Variants in SMAD3 observed in about 807,000 individuals in gnomAD.
The protein encoded by SMAD3 is SMAD family member 3, also known as MAD homolog 3.
In SMAD3, 12 loss-of-function variants were observed where a neutral mutation model predicts 51.8. That is an observed-to-expected ratio of 0.23 (90% CI 0.15 to 0.38). The LOEUF is 0.38. SMAD3 is among the 10% of genes least tolerant of loss of function. SMAD3 has a pLI of 1.00. For synonymous variants in SMAD3, 238 were observed against 227.7 expected (o/e 1.05, Z -0.41); for missense variants, 294 against 565.6 (o/e 0.52, Z 4.87).
intron 1 of SMAD3, among the ~76,000 whole-genome samples, chr15:67,069,760 G>A (rs1317909452): frequency 8.6e-5 from 13 of 151,956 alleles, no homozygotes; most frequent in Admixed American, 6.6e-4. Flanking sequence ...AGGCTGGAGC[G>A]CAGTGGCATG....
At chr15:67,137,195 G>A (rs1334002111) in intron 1 of SMAD3, among the ~76,000 whole-genome samples, 1 of 152,106 alleles carries the variant, frequency 6.6e-6, no homozygotes, top group African/African-American at 2.4e-5. Context: ...GGACAAGGGT[G>A]TTTTTTTGTT....
Position 67,101,396 on chromosome 15 carries a change from G to A in SMAD3, c.206+35036G>A, listed in dbSNP as rs1479125672. ...ATTTACGTATGGGAGTCAATGAGCT[G>A]TTTAAATACTTGGATGTCAGAAAAA... On this transcript the variant is annotated intron_variant, in intron 1 of 8. Transcript: ENST00000327367. Among the ~76,000 whole-genome samples the A allele has an allele frequency of 5.3e-5, 8 of 152,316 alleles. No individual in the cohort carries two copies. In the East Asian group the frequency reaches 1.4e-3, roughly 26 times the overall value.
chr15:67,145,607 G>T (rs1253052678), intron 1 of SMAD3, among the ~76,000 whole-genome samples: 1 of 152,192 alleles, frequency 6.6e-6, no homozygotes, highest in Non-Finnish European at 1.5e-5. Flanking sequence ...TCTGGTTCGT[G>T]AATGAAAGGT....
At chr15:67,190,129 AATTGACTTTACATATTTAACTCTTTGCC>A (rs1223989937) in intron 8 of SMAD3, among the ~76,000 whole-genome samples, 1 of 152,046 alleles carries the variant, frequency 6.6e-6, no homozygotes, top group Non-Finnish European at 1.5e-5. Flanking sequence ...GGTACCCTGC[AATTGACTTTACATATTTAACTCTTTGCC>A]ATTGACTTTA....
chr15:67,135,180 G>A (rs924599226), intron 1 of SMAD3, among the ~76,000 whole-genome samples: 1 of 152,220 alleles, frequency 6.6e-6, no homozygotes. Context: ...AGCAATCTGG[G>A]TTCTAGCACT....
rs889607387 is a variant in SMAD3, at chr15:67,160,875, C to T, written c.207-4020C>T. Among the ~76,000 whole-genome samples, 17 of 145,018 alleles carry T rather than the reference C, an allele frequency of 1.2e-4. No homozygotes were observed. In the East Asian group the frequency reaches 1.2e-3, roughly 11 times the overall value. On this transcript the variant is annotated intron_variant, in intron 1 of 8. Transcript: ENST00000327367. The stretch of plus-strand genomic sequence containing the variant: ...AGAAACAGGTCTATTATCAAATATA[C>T]GCTTTGCAAATATTTTCTCTTAGTT...
At chr15:67,097,498 G>C (rs1960640016) in intron 1 of SMAD3, among the ~76,000 whole-genome samples, 1 of 152,112 alleles carries the variant, frequency 6.6e-6, no homozygotes, top group Non-Finnish European at 1.5e-5. Context: ...GCCTGCCTCA[G>C]CCTCCCAAAG....
chr15:67,123,269 G>A lies in SMAD3; in HGVS notation c.207-41626G>A, dbSNP rs553592408. ...CCAGCACTTTGGGAGGCCGAGGCGGGTGGATCACCTGAGGTCAGGAGTTTG... is the reference window on the plus strand; with the variant it reads ...CCAGCACTTTGGGAGGCCGAGGCGGATGGATCACCTGAGGTCAGGAGTTTG... On this transcript the variant is annotated intron_variant, in intron 1 of 8. Coordinates refer to ENST00000327367, the MANE Select transcript of SMAD3 (RefSeq NM_005902.4). Among the ~76,000 whole-genome samples the A allele has an allele frequency of 9.2e-5, 14 of 152,124 alleles. No individual in the cohort carries two copies. In the South Asian group the frequency reaches 2.9e-3, roughly 32 times the overall value.
chr15:67,102,133 A>C (rs1960771816), intron 1 of SMAD3, among the ~76,000 whole-genome samples: 1 of 152,128 alleles, frequency 6.6e-6, no homozygotes, highest in South Asian at 2.1e-4. Flanking sequence ...TTGTGTTTTC[A>C]TGGGTCACCT....
At chr15:67,186,880 C>T (rs530037273) in intron 7 of SMAD3, 16 of 356,820 alleles carry the variant, frequency 4.5e-5, no homozygotes, top group Admixed American at 4.1e-4. Flanking sequence ...AGTAGCCTTT[C>T]GGCCAGCCCG....
intron 1 of SMAD3, among the ~76,000 whole-genome samples, chr15:67,087,553 A>G (rs1419385076): frequency 6.6e-6 from 1 of 152,220 alleles, no homozygotes; most frequent in East Asian, 1.9e-4. Flanking sequence ...CAGAAAACTC[A>G]AGATTGTCAT....
chr15:67,155,468 G>A (rs961571667), intron 1 of SMAD3, among the ~76,000 whole-genome samples: 1 of 152,142 alleles, frequency 6.6e-6, no homozygotes, highest in African/African-American at 2.4e-5. Flanking sequence ...TAATACTTGC[G>A]TATTAAAGAG....
At chr15:67,140,122 C>CA (rs34728056) in intron 1 of SMAD3, among the ~76,000 whole-genome samples, 75,462 of 147,026 alleles carry the variant, frequency 0.51, 19,046 homozygotes, top group East Asian at 0.64. Context: ...AACTCTGTCT[C>CA]AAAAAAAAAA....
intron 4 of SMAD3, among the ~76,000 whole-genome samples, chr15:67,168,522 C>T (rs571574783): frequency 2.4e-4 from 37 of 152,310 alleles, no homozygotes; most frequent in East Asian, 1.7e-3. Context: ...TCCCACTCTG[C>T]GCTCCCTCTT....
chr15:67,105,952 A>G (rs1269914497), intron 1 of SMAD3, among the ~76,000 whole-genome samples: 1 of 152,160 alleles, frequency 6.6e-6, no homozygotes, highest in East Asian at 1.9e-4. Flanking sequence ...CTTCCCAGTG[A>G]AAAGCACCAC....
At chr15:67,183,057 G>T (rs1348446261) in intron 6 of SMAD3, among the ~76,000 whole-genome samples, 1 of 103,394 alleles carries the variant, frequency 9.7e-6, no homozygotes, top group African/African-American at 4.2e-5. Context: ...TTTTTGGAGC[G>T]GGGAGACCAA....
In SMAD3 at chr15:67,193,930, C is replaced by G. The variant is rs1963433896; in HGVS notation, c.*3394C>G. ...AGTAATCTGGGGAAGAAGCAAAGAT[C>G]TGTTTCATTCTTAGCCTCAGGCCTC... On this transcript the variant is annotated 3_prime_UTR_variant, in exon 9 of 9. Transcript: ENST00000327367. 4.3e-6 allele frequency: 1 copy of G among 233,124 alleles called. No individual in the cohort carries two copies. The highest frequency in any genetic ancestry group is 6.0e-5 in the East Asian group (1 of 16,720). 14.4% of individuals were successfully genotyped at this position (233,124 alleles called of 1,614,324 possible).
chr15:67,183,023 ATATATATATTT>A (rs1438278443), intron 6 of SMAD3, among the ~76,000 whole-genome samples: 5 of 72,972 alleles, frequency 6.9e-5, no homozygotes, highest in Admixed American at 1.7e-4. Context: ...ATATATATAT[ATATATATATTT>A]TTTTTTTTTT....
intron 1 of SMAD3, among the ~76,000 whole-genome samples, chr15:67,151,515 T>G (rs1260565379): frequency 6.6e-6 from 1 of 152,058 alleles, no homozygotes; most frequent in Admixed American, 6.5e-5. Context: ...GTATTTTTAG[T>G]AGAGACAGGG....
Sources: allele counts gnomAD v4.1 joint callset (sites outside exome capture counted in the v4.1 genomes callset), GRCh38; gene constraint gnomAD v4.1.1; transcripts MANE v1.5; gene names NCBI Gene and HGNC (gene_info 2026-07-23, HGNC 2026-07-21).